Variants in ROBO2 observed in about 807,000 individuals in gnomAD.
The protein encoded by ROBO2 is roundabout guidance receptor 2.
A neutral mutation model predicts 160.8 loss-of-function variants in ROBO2; 53 were observed. The observed-to-expected ratio is 0.33, with a 90% CI of 0.26 to 0.41. The LOEUF is 0.41. Ranked by LOEUF, ROBO2 falls within the 10% of genes least tolerant of loss-of-function variation. The pLI, the probability that ROBO2 is intolerant of heterozygous loss-of-function variation, is 1.00. For missense variants in ROBO2, 1,577 were observed against 1,722.4 expected, an observed-to-expected ratio of 0.92 and a Z score of 1.49; for synonymous variants, 664 against 611.7, an observed-to-expected ratio of 1.09 and a Z score of -1.26.
At chr3:76,228,866 G>C (rs1704452014) in intron 2 of ROBO2, among the ~76,000 whole-genome samples, 1 of 152,026 alleles carries the variant, frequency 6.6e-6, no homozygotes, top group African/African-American at 2.4e-5. Context: ...TAAAAAATTA[G>C]TGGGGCATGC....
intron 2 of ROBO2, among the ~76,000 whole-genome samples, chr3:76,861,327 T>C (rs2070757498): frequency 6.6e-6 from 1 of 152,216 alleles, no homozygotes; most frequent in South Asian, 2.1e-4. Context: ...TAAGGTATTA[T>C]CTTACTGGGT....
chr3:77,495,205 G>A (rs562631341), intron 5 of ROBO2, among the ~76,000 whole-genome samples: 1 of 152,258 alleles, frequency 6.6e-6, no homozygotes, highest in African/African-American at 2.4e-5. Context: ...TGTAAACACA[G>A]GTTTATTTTA....
intron 2 of ROBO2, among the ~76,000 whole-genome samples, chr3:76,279,645 G>T (rs974521022): frequency 1.1e-4 from 16 of 151,910 alleles, no homozygotes; most frequent in African/African-American, 3.6e-4. Flanking sequence ...ATATTCATTT[G>T]TATTAAACCC....
rs1523750 is a variant in ROBO2 at position 77,596,856 on chromosome 3, C to T, written c.2854+106C>T. ...GAAACATATCAGAGAGTATTTACTC[C>T]CATAATTAAAATCAATGAAACATAT... On this transcript the variant is annotated intron_variant, in intron 19 of 25. Transcript: ENST00000461745. 0.087 allele frequency: 113,252 copies of T among 1,306,898 alleles called. 6,221 individuals carry two copies. The highest frequency in any genetic ancestry group is 0.17 in the Admixed American group (8,832 of 51,018). The allele number at this position is 1,306,898 out of a possible 1,614,324, so 81.0% of individuals were successfully genotyped here. A position where few individuals can be genotyped will look rare whatever the true frequency, so the allele number is the denominator to read the frequency against.
intron 2 of ROBO2, among the ~76,000 whole-genome samples, chr3:76,808,190 G>A (rs929330979): frequency 6.6e-6 from 1 of 152,068 alleles, no homozygotes; most frequent in Non-Finnish European, 1.5e-5. Flanking sequence ...GATATTTGTT[G>A]TGTTACTTAA....
intron 1 of ROBO2, among the ~76,000 whole-genome samples, chr3:77,086,649 G>A (rs2069359088): frequency 6.6e-6 from 1 of 151,970 alleles, no homozygotes; most frequent in Non-Finnish European, 1.5e-5. Context: ...TGCACCTTAG[G>A]CCAAATTCTG....
At chr3:77,166,314 A>G (rs1294089268) in intron 2 of ROBO2, among the ~76,000 whole-genome samples, 1 of 152,152 alleles carries the variant, frequency 6.6e-6, no homozygotes, top group Non-Finnish European at 1.5e-5. Context: ...CTACATAATC[A>G]CAATATTTTC....
At chr3:76,047,723 G>A (rs1017567534) in intron 2 of ROBO2, among the ~76,000 whole-genome samples, 6 of 152,148 alleles carry the variant, frequency 3.9e-5, no homozygotes, top group Admixed American at 6.5e-5. Context: ...ATATGCCTGC[G>A]TGCATGATGT....
intron 2 of ROBO2, among the ~76,000 whole-genome samples, chr3:76,351,626 A>G (rs971650047): frequency 1.3e-5 from 2 of 152,004 alleles, no homozygotes; most frequent in African/African-American, 4.8e-5. Flanking sequence ...GAGAACATCA[A>G]TATTTCATGA....
At chr3:77,587,940 TA>T in intron 16 of ROBO2, among the ~76,000 whole-genome samples, 1 of 152,110 alleles carries the variant, frequency 6.6e-6, no homozygotes, top group Non-Finnish European at 1.5e-5. Context: ...AAGACCTATT[TA>T]AAATGTAGAT....
chr3:75,942,885 A>G (rs1948118970), intron 2 of ROBO2, among the ~76,000 whole-genome samples: 1 of 152,136 alleles, frequency 6.6e-6, no homozygotes, highest in South Asian at 2.1e-4. Context: ...CTTTCCAGAC[A>G]TCTGAATGTT....
rs545598946 is a variant in ROBO2 at position 77,576,529 on chromosome 3, G to A, written c.2204-961G>A. On this transcript the variant is annotated intron_variant, in intron 14 of 25. Transcript: ENST00000461745. ...CCCCCACCTTTGATTTTAATTCAGA[G>A]AATCACTGAGAATAGATGAATTTTT... Among the ~76,000 whole-genome samples, 6 of 152,142 alleles carry A rather than the reference G, an allele frequency of 3.9e-5. No homozygotes were observed. In the East Asian group the frequency reaches 1.2e-3, roughly 29 times the overall value.
chr3:76,466,199 C>T (rs2078354628), intron 2 of ROBO2, among the ~76,000 whole-genome samples: 1 of 151,818 alleles, frequency 6.6e-6, no homozygotes, highest in African/African-American at 2.4e-5. Flanking sequence ...TATCACTCAT[C>T]TTTATCTTAG....
At chr3:77,469,333 T>G (rs544693615) in intron 2 of ROBO2, among the ~76,000 whole-genome samples, 1 of 152,250 alleles carries the variant, frequency 6.6e-6, no homozygotes, top group South Asian at 2.1e-4. Flanking sequence ...GGTCTCCCCC[T>G]GGGGTCAAAG....
chr3:77,587,535 A>T (rs539155332), intron 16 of ROBO2, among the ~76,000 whole-genome samples: 1 of 152,038 alleles, frequency 6.6e-6, no homozygotes, highest in Non-Finnish European at 1.5e-5. Context: ...AAAACTACAT[A>T]TTAGCCTCCA....
intron 2 of ROBO2, among the ~76,000 whole-genome samples, chr3:77,267,342 T>C (rs1311777715): frequency 3.3e-5 from 5 of 152,192 alleles, no homozygotes; most frequent in African/African-American, 1.2e-4. Context: ...AAAGTTTTCA[T>C]TAGCAATCCA....
chr3:77,043,571 A>G, intron 1 of ROBO2, among the ~76,000 whole-genome samples: 1 of 152,158 alleles, frequency 6.6e-6, no homozygotes, highest in Non-Finnish European at 1.5e-5. Context: ...GGATGTAAAT[A>G]ATGGTTTTCT....
chr3:77,044,888 A>C (rs6784307), intron 1 of ROBO2, among the ~76,000 whole-genome samples: 107,175 of 152,066 alleles, frequency 0.7, 40,804 homozygotes, highest in Middle Eastern at 0.85. Context: ...GTATTTCTTA[A>C]AGGTTCTCCA....
intron 2 of ROBO2, among the ~76,000 whole-genome samples, chr3:76,641,689 T>C (rs1174619965): frequency 6.6e-5 from 10 of 152,164 alleles, no homozygotes; most frequent in Admixed American, 6.5e-5. Flanking sequence ...AAAAGTGATA[T>C]GGTAATTTTA....
Sources: gnomAD v4.1 joint callset for allele counts (sites outside exome capture counted in the v4.1 genomes callset) on GRCh38, gnomAD v4.1.1 for gene constraint, MANE v1.5 for transcripts, NCBI Gene and HGNC (gene_info 2026-07-23, HGNC 2026-07-21) for gene names.